Variants in CYRIB observed in about 807,000 individuals in gnomAD.
CYRIB encodes CYFIP-related Rac1 interactor B.
In CYRIB, 8 loss-of-function variants were observed where a neutral mutation model predicts 44.2. That is an observed-to-expected ratio of 0.18 (90% confidence interval 0.11 to 0.33). CYRIB has a LOEUF of 0.33. Among genes scored for constraint, CYRIB ranks in the 10% least tolerant of loss-of-function variants. CYRIB has a pLI of 1.00. For synonymous variants in CYRIB, 131 were observed against 127.2 expected (o/e 1.03, Z -0.20); for missense variants, 185 against 382.8 (o/e 0.48, Z 4.31).
At chr8:129,996,024 T>C (rs1003994873) in intron 1 of CYRIB, among the ~76,000 whole-genome samples, 3 of 152,194 alleles carry the variant, frequency 2.0e-5, no homozygotes, top group Admixed American at 6.5e-5. Context: ...TGAACCCTGT[T>C]TTAGGTGCCC....
rs966957336 is a variant in CYRIB, at chr8:129,851,003, T to C, written c.634-89A>G. The C allele has an allele frequency of 6.0e-6, 5 of 839,522 alleles. No homozygotes were observed. In the Admixed American group the frequency reaches 9.2e-5, roughly 15 times the overall value. The allele number at this position is 839,522 out of a possible 1,614,324, so 52.0% of individuals were successfully genotyped here. ...TAAAATTTAGCGTAATATGAAAAAT[T>C]AGCAACTTTAAAACCTGGTTCCTAC... On this transcript the variant is annotated intron_variant, in intron 8 of 11. Transcript: ENST00000519824.
intron 2 of CYRIB, among the ~76,000 whole-genome samples, chr8:129,890,946 A>G (rs2065122204): frequency 6.6e-6 from 1 of 152,114 alleles, no homozygotes; most frequent in South Asian, 2.1e-4. Context: ...AAGAGAAGAG[A>G]AGAGAAAGCA....
chr8:129,956,080 A>C (rs1362013191), intron 2 of CYRIB, among the ~76,000 whole-genome samples: 1 of 152,204 alleles, frequency 6.6e-6, no homozygotes, highest in African/African-American at 2.4e-5. Flanking sequence ...TGGCTTACAT[A>C]AGTTTGAAAG....
rs1335402084 is a variant in CYRIB, at chr8:129,885,346, A to C, written c.-10-5875T>G. ...TACCTCTTCACTCAACTTATTTCTT[A>C]AGCATATTTATCACAATCTGAATTT... On this transcript the variant is annotated intron_variant, in intron 2 of 11. Coordinates refer to ENST00000519824, the Ensembl canonical transcript of CYRIB. 2.0e-5 allele frequency among the ~76,000 whole-genome samples: 3 copies of C among 152,246 alleles called. No individual in the cohort carries two copies. The East Asian group carries it at 5.8e-4, about 29-fold the overall frequency.
intron 1 of CYRIB, among the ~76,000 whole-genome samples, chr8:129,999,284 G>A (rs2096854281): frequency 6.6e-6 from 1 of 152,186 alleles, no homozygotes; most frequent in Non-Finnish European, 1.5e-5. Context: ...TTAGTCACCA[G>A]GGCCTGCAAC....
chr8:129,887,735 T>C (rs182821623), intron 2 of CYRIB, among the ~76,000 whole-genome samples: 8 of 152,356 alleles, frequency 5.3e-5, no homozygotes, highest in African/African-American at 1.4e-4. Flanking sequence ...GGAGATTATT[T>C]TGGAGCTTTA....
At chr8:129,959,073 A>C (rs919479962) in intron 2 of CYRIB, among the ~76,000 whole-genome samples, 5 of 149,746 alleles carry the variant, frequency 3.3e-5, no homozygotes, top group African/African-American at 1.2e-4. Context: ...AAAAAAAAAA[A>C]AAAAAAAAAA....
chr8:129,868,299 CAGT>C (rs1380606376), intron 4 of CYRIB, among the ~76,000 whole-genome samples: 3 of 152,176 alleles, frequency 2.0e-5, no homozygotes, highest in African/African-American at 7.2e-5. Flanking sequence ...CCCCGATCTA[CAGT>C]AGATTTAAAT....
chr8:130,006,685 C>T (rs113311837), intron 1 of CYRIB, among the ~76,000 whole-genome samples: 856 of 75,042 alleles, frequency 0.011, 34 homozygotes, highest in African/African-American at 0.042. Context: ...TATATATATA[C>T]ACACATATAT....
At chr8:129,867,550 T>G (rs977553056) in intron 4 of CYRIB, among the ~76,000 whole-genome samples, 54 of 152,024 alleles carry the variant, frequency 3.6e-4, no homozygotes, top group African/African-American at 1.3e-3. Flanking sequence ...TTTAATAGAT[T>G]CTATCTTAAA....
In CYRIB at chr8:129,925,938, C is replaced by A. The variant is rs1173702064; in HGVS notation, c.-50+13670G>T. On this transcript the variant is annotated intron_variant, in intron 1 of 11. Transcript: ENST00000519824. ...GTTAAAAAACGTTTCCAATTTCTAACAACACGTGTCAAAAACTCTTTTCCA... is the reference window on the plus strand; with the variant it reads ...GTTAAAAAACGTTTCCAATTTCTAAAAACACGTGTCAAAAACTCTTTTCCA... Among the ~76,000 whole-genome samples the A allele has an allele frequency of 2.0e-5, 3 of 152,196 alleles. No homozygotes were observed. In the East Asian group the frequency reaches 5.8e-4, roughly 29 times the overall value.
chr8:129,967,429 G>A (rs1214395571), intron 2 of CYRIB, among the ~76,000 whole-genome samples: 1 of 151,334 alleles, frequency 6.6e-6, no homozygotes, highest in African/African-American at 2.4e-5. Context: ...GCCCAGGCTG[G>A]AGTGCAGTGG....
chr8:129,842,406 T>C (rs2036861745), intron 11 of CYRIB, among the ~76,000 whole-genome samples: 1 of 152,184 alleles, frequency 6.6e-6, no homozygotes, highest in South Asian at 2.1e-4. Context: ...AGTAGCTATT[T>C]AGCAGCTATT....
At chr8:129,884,390 G>A (rs2061933674) in intron 2 of CYRIB, among the ~76,000 whole-genome samples, 1 of 152,140 alleles carries the variant, frequency 6.6e-6, no homozygotes, top group Non-Finnish European at 1.5e-5. Flanking sequence ...CCAGGTTCAA[G>A]TGATTCTCCT....
chr8:129,920,537 T>C (rs576949019), intron 1 of CYRIB, among the ~76,000 whole-genome samples: 4 of 152,286 alleles, frequency 2.6e-5, no homozygotes, highest in South Asian at 4.1e-4. Flanking sequence ...TTTTAACAGA[T>C]AGTCACCCAC....
At chr8:129,870,240 T>C (rs926304828) in intron 4 of CYRIB, among the ~76,000 whole-genome samples, 24 of 151,866 alleles carry the variant, frequency 1.6e-4, no homozygotes, top group African/African-American at 1.7e-4. Context: ...CTCGGCAACA[T>C]GGCAAACCCT....
Position 129,930,224 on chromosome 8 carries a change from A to T in CYRIB, c.-50+9384T>A, listed in dbSNP as rs186659676. 9.9e-5 allele frequency among the ~76,000 whole-genome samples: 15 copies of T among 150,870 alleles called. No individual in the cohort carries two copies. The East Asian group carries it at 2.7e-3, about 27-fold the overall frequency. On this transcript the variant is annotated intron_variant, in intron 1 of 11. Transcript: ENST00000519824. ...AGACTCTGTCTCAAAAAAAACAAAC[A>T]AACAAATAAAACTGTTCATTCATCT... is the stretch of plus-strand genomic sequence containing the variant.
chr8:129,932,446 G>C (rs1316389501), intron 1 of CYRIB, among the ~76,000 whole-genome samples: 3 of 152,154 alleles, frequency 2.0e-5, no homozygotes, highest in Non-Finnish European at 4.4e-5. Context: ...AAAAGATCTG[G>C]GTTCCCTTAA....
Position 129,953,712 on chromosome 8 carries a change from G to A in CYRIB, c.-243+17231C>T, listed in dbSNP as rs190142611. 4.6e-4 allele frequency among the ~76,000 whole-genome samples: 70 copies of A among 152,308 alleles called. No individual in the cohort carries two copies. The South Asian group carries it at 0.01, about 22-fold the overall frequency. ...GATGGCATTGGTCCAGCCTGAATCA[G>A]CACAGGCCTAGGTTTTAACGCTACT... On this transcript the variant is annotated intron_variant, in intron 2 of 14. Transcript: ENST00000401979.
Sources: allele counts gnomAD v4.1 joint callset (sites outside exome capture counted in the v4.1 genomes callset), GRCh38; gene constraint gnomAD v4.1.1; transcripts MANE v1.5; gene names NCBI Gene and HGNC (gene_info 2026-07-23, HGNC 2026-07-21).